The following PKNOX2 variants were observed in gnomAD, a reference collection of about 807,000 sequenced individuals.
PKNOX2 encodes PBX/knotted 1 homeobox 2, also known as homeobox protein PKNOX2.
In PKNOX2, 14 loss-of-function variants were observed where a neutral mutation model predicts 53.1. The ratio of observed to expected loss-of-function variants is 0.26; its 90% CI spans 0.17 to 0.41. The LOEUF is 0.41. Ranked by LOEUF, PKNOX2 falls within the 10% of genes least tolerant of loss-of-function variation. PKNOX2 has a pLI of 1.00. For missense variants in PKNOX2, 496 were observed against 602.8 expected, an observed-to-expected ratio of 0.82 and a Z score of 1.85; for synonymous variants, 257 against 242.8, an observed-to-expected ratio of 1.06 and a Z score of -0.54.
chr11:125,399,269 C>T (rs950461191), intron 7 of PKNOX2, among the ~76,000 whole-genome samples: 11 of 152,234 alleles, frequency 7.2e-5, no homozygotes, highest in Non-Finnish European at 1.6e-4. Context: ...AACACCCGCC[C>T]GGGCTTCTGC....
chr11:125,399,063 C>G (rs1456853325), intron 7 of PKNOX2, among the ~76,000 whole-genome samples: 1 of 152,232 alleles, frequency 6.6e-6, no homozygotes, highest in Admixed American at 6.5e-5. Flanking sequence ...AGGGGACAGG[C>G]TGACTTCTAG....
chr11:125,226,377 A>G (rs1941694252), intron 1 of PKNOX2, among the ~76,000 whole-genome samples: 1 of 152,144 alleles, frequency 6.6e-6, no homozygotes, highest in African/African-American at 2.4e-5. Flanking sequence ...TTACACACAA[A>G]TACTATTCTG....
chr11:125,252,868 C>T (rs1944111718), intron 2 of PKNOX2, among the ~76,000 whole-genome samples: 1 of 152,194 alleles, frequency 6.6e-6, no homozygotes, highest in East Asian at 1.9e-4. Flanking sequence ...ACAGCTGCAT[C>T]TGTCGAGTTC....
rs568327776 is a variant in PKNOX2 at position 125,189,151 on chromosome 11, T to C, written c.-201+24375T>C. On this transcript the variant is annotated intron_variant, in intron 1 of 12. Transcript: ENST00000298282. ...GCTGCGCCATGGTCAGGAAGAGGGG[T>C]ATAGGTGAATTAAGTTCCCTGCTTC... is the stretch of plus-strand genomic sequence containing the variant. 1.9e-3 allele frequency among the ~76,000 whole-genome samples: 292 copies of C among 151,640 alleles called. 1 individual carries two copies. Among genetic ancestry groups the C allele is most frequent in the African/African-American group, 6.8e-3 (280 of 41,338 alleles).
intron 8 of PKNOX2, 126 bp downstream of exon 8, chr11:125,410,451 A>G (rs1205893441): frequency 6.8e-6 from 9 of 1,329,356 alleles, no homozygotes; most frequent in African/African-American, 1.5e-5. Context: ...CAGTTTCTTG[A>G]CTAAAGTTTT....
intron 5 of PKNOX2, among the ~76,000 whole-genome samples, chr11:125,383,523 A>G (rs947180096): frequency 6.6e-6 from 1 of 151,902 alleles, no homozygotes; most frequent in Non-Finnish European, 1.5e-5. Flanking sequence ...AGGCTGAGGC[A>G]AGAGGATCAC....
At chr11:125,286,652 T>A (rs1442373143) in intron 2 of PKNOX2, among the ~76,000 whole-genome samples, 3 of 152,206 alleles carry the variant, frequency 2.0e-5, no homozygotes, top group African/African-American at 7.2e-5. Flanking sequence ...GGCCCCCAGC[T>A]GTGTAGCCTG....
intron 2 of PKNOX2, among the ~76,000 whole-genome samples, chr11:125,252,010 C>T (rs890147330): frequency 5.3e-5 from 8 of 152,072 alleles, no homozygotes; most frequent in East Asian, 1.9e-4. Flanking sequence ...GCTTATAGAA[C>T]GGTAGCAAAG....
At chr11:125,247,790 G>A (rs1443961043) in intron 2 of PKNOX2, among the ~76,000 whole-genome samples, 5 of 152,274 alleles carry the variant, frequency 3.3e-5, no homozygotes, top group Admixed American at 6.5e-5. Context: ...CCAGAGGTGC[G>A]CAGGATAGGC....
At chr11:125,196,579 G>A (rs1332910777) in intron 1 of PKNOX2, among the ~76,000 whole-genome samples, 2 of 152,192 alleles carry the variant, frequency 1.3e-5, no homozygotes, top group Non-Finnish European at 2.9e-5. Flanking sequence ...GGTATTCAGA[G>A]GCAGTGCAGG....
At chr11:125,182,624 G>A (rs1474515028) in intron 1 of PKNOX2, among the ~76,000 whole-genome samples, 100 of 152,188 alleles carry the variant, frequency 6.6e-4, no homozygotes, top group Non-Finnish European at 8.8e-5. Context: ...TCAGCCATCT[G>A]AGCCATTACA....
At chr11:125,245,369 G>A (rs1591494263) in intron 2 of PKNOX2, among the ~76,000 whole-genome samples, 1 of 152,224 alleles carries the variant, frequency 6.6e-6, no homozygotes, top group East Asian at 1.9e-4. Context: ...ACAAACCAGG[G>A]ACTGGAGCTC....
chr11:125,370,709 G>A lies in PKNOX2; in HGVS notation c.227+2724G>A, dbSNP rs961506573. Among the ~76,000 whole-genome samples, 3 of 152,178 alleles carry A rather than the reference G, an allele frequency of 2.0e-5. No homozygotes were observed. The highest frequency in any genetic ancestry group is 4.4e-5 in the Non-Finnish European group (3 of 68,020). ...CACATCTCACCCATTAGTACCAGCC[G>A]CCCTCTCTGCAGCCATTGCCCCGGG... On this transcript the variant is annotated intron_variant, in intron 5 of 12. Coordinates refer to ENST00000298282, the MANE Select transcript of PKNOX2 (RefSeq NM_001382323.2). This position sits in a 1 kb window ranked among gnomAD's most constrained non-coding sequence, Gnocchi z 4.1.
intron 12 of PKNOX2, 106 bp downstream of exon 12, chr11:125,430,247 T>C: frequency 7.6e-7 from 1 of 1,308,064 alleles, no homozygotes; most frequent in Non-Finnish European, 1.0e-6. Flanking sequence ...TTACCTGGGC[T>C]CCCATCGCTG....
At position 125,352,971 on chromosome 11, in the gene PKNOX2, C is replaced by A. The variant is rs184941022; in HGVS notation, c.87+1579C>A. Among the ~76,000 whole-genome samples, 1 of 152,262 alleles carries A rather than the reference C, an allele frequency of 6.6e-6. No individual in the cohort carries two copies. Among genetic ancestry groups the A allele is most frequent in the East Asian group, 1.9e-4 (1 of 5,186 alleles). The stretch of plus-strand genomic sequence containing the variant: ...AGAAGGAGCCCTCAACTGATGGGAA[C>A]CTTTTGCCTCCCAAGAAAGAAGTGA... On this transcript the variant is annotated intron_variant, in intron 4 of 12. Transcript: ENST00000298282. The surrounding 1 kb of genome is among the most constrained non-coding windows in gnomAD (Gnocchi z 4.1).
intron 3 of PKNOX2, among the ~76,000 whole-genome samples, chr11:125,337,525 C>T (rs537314871): frequency 1.2e-4 from 19 of 152,268 alleles, no homozygotes; most frequent in African/African-American, 4.3e-4. Context: ...TCCTTGTTTC[C>T]GATCTTGCAA....
rs1007191453 is a variant in PKNOX2 at position 125,351,504 on chromosome 11, C to T, written c.87+112C>T. 4 of 694,962 alleles carry T rather than the reference C, an allele frequency of 5.8e-6. No individual in the cohort carries two copies. In the African/African-American group the frequency reaches 7.1e-5, roughly 12 times the overall value. 43.0% of individuals were successfully genotyped at this position (694,962 alleles called of 1,614,324 possible). A position where few individuals can be genotyped will look rare whatever the true frequency, so the allele number is the denominator to read the frequency against. On this transcript the variant is annotated intron_variant, in intron 4 of 12. Transcript: ENST00000298282. Reference sequence around the variant, plus strand: ...GGGCCGACGGGCAGAGCCAGGCCTCCCGCAATCACGTCCTGGTGGCACTCC... The same window carrying T: ...GGGCCGACGGGCAGAGCCAGGCCTCTCGCAATCACGTCCTGGTGGCACTCC...
rs1953934335 is a variant in PKNOX2, at chr11:125,389,974, C to T, written c.399+4252C>T. ...GCGGAGGCTGTGGATAAGGAGGCAC[C>T]TGAAGGAATCAGGCCAGAGCTCTGG... is the stretch of plus-strand genomic sequence containing the variant. On this transcript the variant is annotated intron_variant, in intron 6 of 12. Coordinates refer to ENST00000298282, the MANE Select transcript of PKNOX2 (RefSeq NM_001382323.2). Among the ~76,000 whole-genome samples the T allele has an allele frequency of 3.3e-5, 5 of 152,262 alleles. No homozygotes were observed. In the South Asian group the frequency reaches 1.0e-3, roughly 32 times the overall value.
chr11:125,378,138 C>G (rs1415105560), intron 5 of PKNOX2, among the ~76,000 whole-genome samples: 2 of 152,214 alleles, frequency 1.3e-5, no homozygotes, highest in Non-Finnish European at 2.9e-5. Context: ...GGTGTCTGGC[C>G]TGGGCACTAA....
Sources: gnomAD v4.1 joint callset for allele counts (sites outside exome capture counted in the v4.1 genomes callset) on GRCh38, gnomAD v4.1.1 for gene constraint, Gnocchi (gnomAD v3.1) non-coding constraint, MANE v1.5 for transcripts, NCBI Gene and HGNC (gene_info 2026-07-23, HGNC 2026-07-21) for gene names.